The following SLC10A7 variants were observed in gnomAD, a reference collection of about 807,000 sequenced individuals.
The protein encoded by SLC10A7 is solute carrier family 10 member 7, also known as sodium/bile acid cotransporter 7.
SLC10A7 carries 29 observed loss-of-function variants against 43.2 expected under a neutral mutation model. The observed-to-expected ratio is 0.67, with a 90% CI of 0.50 to 0.92. SLC10A7 has a LOEUF of 0.92. Ranked by LOEUF, SLC10A7 falls within the 40% of genes least tolerant of loss-of-function variation. The probability of loss-of-function intolerance (pLI) is 0.00; values close to 1 mark genes in which losing one functional copy is unlikely to be tolerated. For synonymous variants in SLC10A7, 152 were observed against 144.8 expected, an observed-to-expected ratio of 1.05 and a Z score of -0.35; for missense variants, 295 against 403.2, an observed-to-expected ratio of 0.73 and a Z score of 2.30.
chr4:146,456,795 G>A (rs1732105034), intron 4 of SLC10A7, among the ~76,000 whole-genome samples: 1 of 151,792 alleles, frequency 6.6e-6, no homozygotes, highest in Admixed American at 6.6e-5. Context: ...CTAGAGGTCA[G>A]GCAGCTGAAA....
chr4:146,347,660 C>G (rs1734716792), intron 5 of SLC10A7, among the ~76,000 whole-genome samples: 1 of 152,016 alleles, frequency 6.6e-6, no homozygotes, highest in Non-Finnish European at 1.5e-5. Flanking sequence ...TATTTCTATG[C>G]AAAAATGGAA....
intron 9 of SLC10A7, among the ~76,000 whole-genome samples, chr4:146,284,745 T>C (rs1729777148): frequency 6.6e-6 from 1 of 152,202 alleles, no homozygotes; most frequent in South Asian, 2.1e-4. Flanking sequence ...AGCATTCTTG[T>C]TTTTTAAACA....
chr4:146,285,673 T>C (rs953364094), intron 9 of SLC10A7, among the ~76,000 whole-genome samples: 3 of 152,110 alleles, frequency 2.0e-5, no homozygotes, highest in Non-Finnish European at 4.4e-5. Flanking sequence ...AAGAGGAGCA[T>C]TAAGGAAACA....
At chr4:146,486,742 AT>A (rs1213614825) in intron 4 of SLC10A7, among the ~76,000 whole-genome samples, 1 of 152,190 alleles carries the variant, frequency 6.6e-6, no homozygotes, top group Non-Finnish European at 1.5e-5. Flanking sequence ...TCACTTTCTC[AT>A]CCTACAAGGA....
intron 4 of SLC10A7, among the ~76,000 whole-genome samples, chr4:146,502,623 C>A (rs1456240055): frequency 6.6e-6 from 1 of 152,088 alleles, no homozygotes; most frequent in Non-Finnish European, 1.5e-5. Context: ...TTTCCATCAA[C>A]AAGTGAATGG....
At chr4:146,417,464 T>C (rs1728655580) in intron 5 of SLC10A7, among the ~76,000 whole-genome samples, 1 of 152,102 alleles carries the variant, frequency 6.6e-6, no homozygotes, top group Non-Finnish European at 1.5e-5. Flanking sequence ...CCAGAGCAAC[T>C]CTCATCTCCA....
At chr4:146,483,295 T>C (rs925914940) in intron 4 of SLC10A7, among the ~76,000 whole-genome samples, 6 of 152,122 alleles carry the variant, frequency 3.9e-5, no homozygotes, top group Non-Finnish European at 8.8e-5. Flanking sequence ...TGTTAAGGAA[T>C]ACACAACATT....
At chr4:146,314,370 C>T (rs1018487799) in intron 6 of SLC10A7, among the ~76,000 whole-genome samples, 2 of 152,104 alleles carry the variant, frequency 1.3e-5, no homozygotes, top group African/African-American at 4.8e-5. Flanking sequence ...TATAGTTAGC[C>T]TAGAAACAGA....
chr4:146,352,452 C>T (rs1398529391), intron 5 of SLC10A7, among the ~76,000 whole-genome samples: 1 of 136,216 alleles, frequency 7.3e-6, no homozygotes, highest in Non-Finnish European at 1.6e-5. Context: ...CTTTAACACC[C>T]CACTGTCAAC....
At chr4:146,513,750 T>C (rs7437083) in intron 2 of SLC10A7, among the ~76,000 whole-genome samples, 120,247 of 152,152 alleles carry the variant, frequency 0.79, 47,888 homozygotes, top group East Asian at 0.95. Flanking sequence ...ATCTTCTGCA[T>C]ACAACCATAA....
chr4:146,353,334 C>G (rs1351027172), intron 5 of SLC10A7, among the ~76,000 whole-genome samples: 8 of 109,994 alleles, frequency 7.3e-5, no homozygotes, highest in Non-Finnish European at 1.5e-4. Flanking sequence ...AAGACTAAAC[C>G]AGGAAGAAGT....
intron 5 of SLC10A7, among the ~76,000 whole-genome samples, chr4:146,421,787 A>G (rs758700580): frequency 3.4e-4 from 51 of 152,194 alleles, no homozygotes; most frequent in Non-Finnish European, 6.3e-4. Flanking sequence ...ACTGGGCCAC[A>G]TCCTCTCTCA....
intron 7 of SLC10A7, among the ~76,000 whole-genome samples, chr4:146,304,877 G>A (rs1287615923): frequency 6.6e-6 from 1 of 151,984 alleles, no homozygotes; most frequent in Non-Finnish European, 1.5e-5. Context: ...ATTAATGTGT[G>A]GGAGTCTAAG....
intron 5 of SLC10A7, among the ~76,000 whole-genome samples, chr4:146,398,905 C>A (rs1359403228): frequency 8.5e-5 from 13 of 152,168 alleles, no homozygotes; most frequent in Admixed American, 8.5e-4. Flanking sequence ...GTGCCAGGCA[C>A]TGTGTAAGCA....
chr4:146,451,548 T>C, intron 4 of SLC10A7, among the ~76,000 whole-genome samples: 1 of 152,110 alleles, frequency 6.6e-6, no homozygotes, highest in South Asian at 2.1e-4. Context: ...CTGGGATTTA[T>C]CCTAGGGATG....
At chr4:146,339,696 G>A (rs1734122530) in intron 5 of SLC10A7, among the ~76,000 whole-genome samples, 1 of 151,200 alleles carries the variant, frequency 6.6e-6, no homozygotes, top group Non-Finnish European at 1.5e-5. Context: ...CTAATAACAT[G>A]TTTATTTATT....
chr4:146,292,560 CT>C (rs956966719), intron 9 of SLC10A7, among the ~76,000 whole-genome samples: 4 of 152,240 alleles, frequency 2.6e-5, no homozygotes, highest in Middle Eastern at 3.4e-3. Context: ...AGTCTAAGGT[CT>C]TGTTAAGACA....
At chr4:146,428,323 CAA>C (rs1316235057) in intron 5 of SLC10A7, among the ~76,000 whole-genome samples, 3 of 152,170 alleles carry the variant, frequency 2.0e-5, no homozygotes, top group Non-Finnish European at 2.9e-5. Flanking sequence ...TTCTCCAGCC[CAA>C]GTCACATCTT....
chr4:146,256,594 T>C (rs1727899433), intron 11 of SLC10A7, 74 bp from the exon 12 acceptor site: 12 of 1,499,736 alleles, frequency 8.0e-6, no homozygotes. Flanking sequence ...TAACACCAGA[T>C]AATTTATGCT....
Sources: gnomAD v4.1 joint callset for allele counts (sites outside exome capture counted in the v4.1 genomes callset) on GRCh38, gnomAD v4.1.1 for gene constraint, MANE v1.5 for transcripts, NCBI Gene and HGNC (gene_info 2026-07-23, HGNC 2026-07-21) for gene names.